The following PCDHA1 variants were observed in gnomAD, a reference collection of about 807,000 sequenced individuals.
PCDHA1 encodes the protein protocadherin alpha 1.
A neutral mutation model predicts 61.3 loss-of-function variants in PCDHA1; 42 were observed. The ratio of observed to expected loss-of-function variants is 0.69; its 90% CI spans 0.54 to 0.89. The LOEUF (loss-of-function observed/expected upper bound fraction) is 0.89. Ranked by LOEUF, PCDHA1 falls within the 40% of genes least tolerant of loss-of-function variation. PCDHA1 has a pLI of 0.00. For synonymous variants in PCDHA1, 610 were observed against 553.8 expected, an observed-to-expected ratio of 1.10 and a Z score of -1.43; for missense variants, 1,256 against 1,235.3, an observed-to-expected ratio of 1.02 and a Z score of -0.25.
At position 140,788,072 on chromosome 5, in the gene PCDHA1, G is replaced by A. The variant is rs1761428481; in HGVS notation, c.1782G>A (p.Val594=). 1 of 1,614,014 alleles carries A rather than the reference G, an allele frequency of 6.2e-7. No homozygotes were observed. Among genetic ancestry groups the A allele is most frequent in the Admixed American group, 1.7e-5 (1 of 60,018 alleles). ...LVGAGHVVAK[V]RAVDADSGYN... is the part of the protein sequence containing the mutation. ...GTGCGGGTCATGTGGTGGCGAAGGT[G>A]CGCGCAGTGGACGCCGACTCGGGCT... The change falls in exon 1 of 4, where the codon GTG becomes GTA. Residue 594 remains valine (V), a synonymous_variant. Coordinates refer to ENST00000504120, the MANE Select transcript of PCDHA1 (RefSeq NM_018900.4).
chr5:140,960,789 T>C (rs1221128371), intron 1 of PCDHA1, among the ~76,000 whole-genome samples: 3 of 152,058 alleles, frequency 2.0e-5, no homozygotes. Context: ...CCAAACAAGG[T>C]TTCTATTAAA....
intron 1 of PCDHA1, among the ~76,000 whole-genome samples, chr5:140,798,925 G>T (rs148324918): frequency 0.012 from 1,830 of 152,232 alleles, 16 homozygotes; most frequent in Non-Finnish European, 0.019. Flanking sequence ...ATAAATCATA[G>T]AAATAACTTC....
At chr5:140,884,995 T>C (rs1168400289) in intron 1 of PCDHA1, among the ~76,000 whole-genome samples, 1 of 152,228 alleles carries the variant, frequency 6.6e-6, no homozygotes, top group African/African-American at 2.4e-5. Context: ...AAAATGTTTG[T>C]TTTAATGAGG....
At chr5:140,873,008 A>G (rs1455373788) in intron 1 of PCDHA1, among the ~76,000 whole-genome samples, 2 of 152,166 alleles carry the variant, frequency 1.3e-5, no homozygotes, top group African/African-American at 4.8e-5. Flanking sequence ...GTCATTCTTC[A>G]TATTTAGTTA....
intron 1 of PCDHA1, among the ~76,000 whole-genome samples, chr5:140,839,395 GATT>G (rs2150297688): frequency 0.016 from 1,606 of 98,892 alleles, 28 homozygotes; most frequent in Non-Finnish European, 0.019. Context: ...TGATGATGAT[GATT>G]ATTATTTTTG....
intron 1 of PCDHA1, among the ~76,000 whole-genome samples, chr5:140,957,165 A>C (rs2095338056): frequency 6.6e-6 from 1 of 152,190 alleles, no homozygotes; most frequent in African/African-American, 2.4e-5. Context: ...AAATCTAAGT[A>C]TATAAATTGG....
intron 1 of PCDHA1, chr5:140,830,203 C>T: frequency 6.2e-7 from 1 of 1,613,778 alleles, no homozygotes; most frequent in Non-Finnish European, 8.5e-7. Context: ...TCATCGCCAT[C>T]TGCGCGGTAT....
chr5:140,839,514 C>G (rs544251517), intron 1 of PCDHA1, among the ~76,000 whole-genome samples: 6 of 151,964 alleles, frequency 3.9e-5, no homozygotes, highest in Non-Finnish European at 8.8e-5. Flanking sequence ...CTCAGCCTCT[C>G]AAGTTGCTGG....
At chr5:140,808,081 T>G (rs782221936) in intron 1 of PCDHA1, 1 of 1,613,918 alleles carries the variant, frequency 6.2e-7, no homozygotes, top group African/African-American at 1.3e-5. Context: ...TAGATCCAAT[T>G]ACTGGACAAA....
At chr5:140,876,581 C>A in intron 1 of PCDHA1, 2 of 1,614,200 alleles carry the variant, frequency 1.2e-6, no homozygotes, top group Non-Finnish European at 1.7e-6. Flanking sequence ...ACCGTCATTG[C>A]CCTGATTAGC....
At chr5:140,830,442 G>GTACC (rs1771071526) in intron 1 of PCDHA1, 1 of 1,608,220 alleles carries the variant, frequency 6.2e-7, no homozygotes. Flanking sequence ...ATTATGATGG[G>GTACC]TAAGGCGGAG....
At chr5:140,930,356 A>G (rs1554207746) in intron 1 of PCDHA1, 1 of 152,106 alleles carries the variant, frequency 6.6e-6, no homozygotes, top group African/African-American at 2.4e-5. Context: ...CAAATATTTC[A>G]ATTTATCTGT....
chr5:140,808,373 A>G (rs1481118058), intron 1 of PCDHA1: 3 of 1,614,030 alleles, frequency 1.9e-6, no homozygotes, highest in Admixed American at 1.7e-5. Context: ...CGTCCCCTTC[A>G]AGCTGGTGTC....
chr5:140,959,525 C>G (rs1356711808), intron 1 of PCDHA1, among the ~76,000 whole-genome samples: 1 of 151,910 alleles, frequency 6.6e-6, no homozygotes, highest in Non-Finnish European at 1.5e-5. Flanking sequence ...TCTTTAAGAC[C>G]ATTAATTCAG....
intron 1 of PCDHA1, chr5:140,794,761 A>T (rs1554119163): frequency 5.1e-6 from 3 of 587,620 alleles, no homozygotes; most frequent in Non-Finnish European, 8.8e-6. Context: ...AATCTACAGA[A>T]TAAACAGTAG....
At chr5:140,822,611 T>A in intron 1 of PCDHA1, 1 of 1,611,604 alleles carries the variant, frequency 6.2e-7, no homozygotes, top group South Asian at 1.1e-5. Flanking sequence ...ATAGTGTATT[T>A]CTTTAGTAAT....
rs374627014 is a variant in PCDHA1, at chr5:140,786,810, C to A, written c.520C>A (p.Pro174Thr). ...CGCTCTTCTAACGTACACGCTCAGC[C>A]CGAGTGATTATTTCTCTTTGGATGT... is the stretch of plus-strand genomic sequence containing the variant. ...ANALLTYTLS[P>T]SDYFSLDVEA... Residue 174 changes from proline (P) to threonine (T), a missense_variant, in exon 1 of 4, where the codon CCG becomes ACG. Pro to Thr is a conservative substitution (Grantham distance 38). Coordinates refer to ENST00000504120, the MANE Select transcript of PCDHA1 (RefSeq NM_018900.4). 26 of 1,614,066 alleles carry A rather than the reference C, an allele frequency of 1.6e-5. No homozygotes were observed. The African/African-American group carries it at 2.1e-4, about 13-fold the overall frequency.
chr5:140,821,832 C>G (rs1364936196), intron 1 of PCDHA1: 1 of 1,614,038 alleles, frequency 6.2e-7, no homozygotes, highest in Non-Finnish European at 8.5e-7. Context: ...TCTGGCTTCT[C>G]CTTGCCTACT....
chr5:140,969,307 A>C (rs2096316993), intron 1 of PCDHA1: 1 of 1,614,192 alleles, frequency 6.2e-7, no homozygotes, highest in Non-Finnish European at 8.5e-7. Flanking sequence ...TTATTCTCAA[A>C]AATGAGGCTG....
Sources: allele counts gnomAD v4.1 joint callset (sites outside exome capture counted in the v4.1 genomes callset), GRCh38; gene constraint gnomAD v4.1.1; transcripts MANE v1.5; gene names NCBI Gene and HGNC (gene_info 2026-07-23, HGNC 2026-07-21).